SVEP1: variants seen among roughly 807,000 people sequenced by gnomAD.
The protein encoded by SVEP1 is sushi, von Willebrand factor type A, EGF and pentraxin domain containing 1, also known as sushi, von Willebrand factor type A, EGF and pentraxin domain-containing protein 1.
In SVEP1, 164 loss-of-function variants were observed where a neutral mutation model predicts 367.3. That is an observed-to-expected ratio of 0.45 (90% CI 0.39 to 0.51). The LOEUF (loss-of-function observed/expected upper bound fraction) is 0.51. Among genes scored for constraint, SVEP1 ranks in the 20% least tolerant of loss-of-function variants. The probability of loss-of-function intolerance (pLI) is 0.00; values close to 1 mark genes in which losing one functional copy is unlikely to be tolerated. For synonymous variants in SVEP1, 1,666 were observed against 1,611.6 expected, an observed-to-expected ratio of 1.03 and a Z score of -0.81; for missense variants, 4,117 against 4,425.3, an observed-to-expected ratio of 0.93 and a Z score of 1.98.
intron 8 of SVEP1, among the ~76,000 whole-genome samples, chr9:110,493,088 G>T (rs1455623163): frequency 6.6e-6 from 1 of 151,944 alleles, no homozygotes; most frequent in African/African-American, 2.4e-5. Context: ...GAGTTGTTCT[G>T]CCCTACACTC....
rs767941372 is a variant in SVEP1, at chr9:110,579,397, C to T, written c.147G>A (p.Pro49=). 4 of 1,571,072 alleles carry T rather than the reference C, an allele frequency of 2.5e-6. No homozygotes were observed. The highest frequency in any genetic ancestry group is 3.5e-6 in the Non-Finnish European group (4 of 1,159,262). ...CCGCCGCTTCGTCGCCAGGAGCGGG[C>T]GGCGCGGGGATACTCCCGGGGGCCC... ...APGAPGSIPA[P]PAPGDEAAGS... Residue 49 remains proline, a synonymous_variant, in exon 1 of 48, where the codon CCG becomes CCA. Coordinates refer to ENST00000374469, the MANE Select transcript of SVEP1 (RefSeq NM_153366.4). The surrounding 1 kb of genome is among the most constrained non-coding windows in gnomAD (Gnocchi z 5.3).
At chr9:110,416,091 G>A (rs2118520407) in intron 36 of SVEP1, among the ~76,000 whole-genome samples, 1 of 152,002 alleles carries the variant, frequency 6.6e-6, no homozygotes, top group Admixed American at 6.5e-5. Flanking sequence ...GGTTACCATA[G>A]ATAAAACAAG....
intron 1 of SVEP1, among the ~76,000 whole-genome samples, chr9:110,569,175 C>T (rs952154337): frequency 1.4e-4 from 21 of 151,722 alleles, no homozygotes; most frequent in African/African-American, 4.8e-4. Context: ...ATCCTATCTG[C>T]TAGTGCTATA....
intron 36 of SVEP1, among the ~76,000 whole-genome samples, chr9:110,412,764 T>C (rs1204525966): frequency 2.0e-5 from 3 of 152,198 alleles, no homozygotes; most frequent in Admixed American, 6.5e-5. Flanking sequence ...AGAAGACATT[T>C]ATGCAGCCAA....
intron 24 of SVEP1, among the ~76,000 whole-genome samples, chr9:110,447,743 T>G (rs1416087316): frequency 6.6e-6 from 1 of 152,232 alleles, no homozygotes; most frequent in Non-Finnish European, 1.5e-5. Flanking sequence ...ATTTCTTGTT[T>G]TCTGCTCTAG....
chr9:110,430,086 CT>C (rs1564140496), intron 33 of SVEP1, 82 bp from the exon 34 acceptor site: 2 of 1,333,366 alleles, frequency 1.5e-6, no homozygotes, highest in East Asian at 2.5e-5. Flanking sequence ...AGCTCAAGAT[CT>C]TTTTTTGTTT....
rs1003687664 is a variant in SVEP1, at chr9:110,513,091, C to A, written c.1138G>T (p.Ala380Ser). The A allele has an allele frequency of 3.7e-6, 6 of 1,612,748 alleles. No individual in the cohort carries two copies. Among genetic ancestry groups the A allele is most frequent in the Non-Finnish European group, 4.2e-6 (5 of 1,179,182 alleles). Residue 380 changes from alanine to serine, a missense_variant, in exon 5 of 48, where the codon GCC (alanine) becomes TCC (serine). Coordinates refer to ENST00000374469, the MANE Select transcript of SVEP1 (RefSeq NM_153366.4). ...GQTCELVHCP[A>S]LKPPENGYFI... ...TAACCATTTTCGGGAGGCTTCAGGG[C>A]AGGGCAGTGGACAACTAACATTTAC...
chr9:110,456,041 A>G (rs1044346854), intron 21 of SVEP1, among the ~76,000 whole-genome samples: 2 of 152,162 alleles, frequency 1.3e-5, no homozygotes, highest in Admixed American at 1.3e-4. Context: ...TACCAAGGTC[A>G]CCTGGCTTAG....
At position 110,471,384 on chromosome 9, in the gene SVEP1, A is replaced by T. The variant is rs761265926; in HGVS notation, c.2978T>A (p.Val993Glu). The change falls in exon 16 of 48, where the codon GTG becomes GAG. Residue 993 changes from valine (V) to glutamate (E), a missense_variant. This residue lies in a region of SVEP1 where 2,174 missense variants were observed against 2,494.3 expected (regional missense o/e 0.87). Transcript: ENST00000374469. The part of the protein sequence containing the change: ...KASPFCRPGS[V>E]LRGRMCVNCP... Reference sequence around the variant, plus strand: ...CTTACCACACATACGCCCTCTCAGCACTGAGCCTGGTCTGCAGAAGGGGGA... The same window carrying T: ...CTTACCACACATACGCCCTCTCAGCTCTGAGCCTGGTCTGCAGAAGGGGGA... 1 of 1,613,856 alleles carries T rather than the reference A, an allele frequency of 6.2e-7. No homozygotes were observed. The highest frequency in any genetic ancestry group is 1.7e-5 in the Admixed American group (1 of 59,988).
chr9:110,487,769 C>T (rs1344699655), intron 9 of SVEP1, among the ~76,000 whole-genome samples: 2 of 152,062 alleles, frequency 1.3e-5, no homozygotes, highest in African/African-American at 4.8e-5. Context: ...TATATTATCA[C>T]AAATTAAAAA....
intron 1 of SVEP1, among the ~76,000 whole-genome samples, chr9:110,553,901 T>A (rs889349769): frequency 9.2e-5 from 14 of 152,146 alleles, no homozygotes; most frequent in African/African-American, 3.1e-4. Flanking sequence ...CTTTAAAAAG[T>A]TTCCCCACCG....
At chr9:110,429,739 T>C (rs1252361706) in intron 34 of SVEP1, among the ~76,000 whole-genome samples, 181 bp downstream of exon 34, 1 of 152,214 alleles carries the variant, frequency 6.6e-6, no homozygotes, top group Non-Finnish European at 1.5e-5. Context: ...GGATTCTAGA[T>C]ATAACTACCA....
At position 110,443,628 on chromosome 9, in the gene SVEP1, C is replaced by T. The variant is rs375514451; in HGVS notation, c.4556G>A (p.Ser1519Asn). ...RWHHIAITWTSANGIWKVYID... is the reference protein window; with the variant it reads ...RWHHIAITWTNANGIWKVYID... ...ATAGACTTTCCAGATGCCATTGGCA[C>T]TTGTCCAAGTGATTGCAATATGATG... is the stretch of plus-strand genomic sequence containing the variant. Residue 1519 changes from serine (S) to asparagine (N), a missense_variant, in exon 27 of 48, where the codon AGT (serine) becomes AAT (asparagine). This residue lies in a region of SVEP1 where 2,174 missense variants were observed against 2,494.3 expected (regional missense o/e 0.87). Coordinates refer to ENST00000374469, the MANE Select transcript of SVEP1 (RefSeq NM_153366.4). 1 of 1,613,546 alleles carries T rather than the reference C, an allele frequency of 6.2e-7. No homozygotes were observed. The highest frequency in any genetic ancestry group is 8.5e-7 in the Non-Finnish European group (1 of 1,179,744).
chr9:110,369,878 A>G, intron 47 of SVEP1, 45 bp downstream of exon 47: 1 of 1,513,106 alleles, frequency 6.6e-7, no homozygotes, highest in Non-Finnish European at 9.1e-7. Context: ...CTTGAATTTT[A>G]GAGTCTTCAT....
At position 110,375,464 on chromosome 9, in the gene SVEP1, CTAA is replaced by C. The variant is rs1827336935; in HGVS notation, c.10505-4_10505-2del. On this transcript the variant is annotated splice_acceptor_variant and splice_polypyrimidine_tract_variant and intron_variant, in intron 45 of 47. Transcript: ENST00000374469. LOFTEE classifies it high-confidence loss of function. The stretch of plus-strand genomic sequence containing the variant: ...TTCAGACAGGGAAGAATGCAGATTG[CTAA>C]AAAAAAAAAAAAAAAAAAAAAAAGG... 4 of 399,068 alleles carry C rather than the reference CTAA, an allele frequency of 1.0e-5. No individual in the cohort carries two copies. The highest frequency in any genetic ancestry group is 1.0e-4 in the Admixed American group (1 of 9,962). 24.7% of individuals were successfully genotyped at this position (399,068 alleles called of 1,614,324 possible).
At chr9:110,368,498 T>C (rs1402059576) in intron 47 of SVEP1, among the ~76,000 whole-genome samples, 2 of 152,190 alleles carry the variant, frequency 1.3e-5, no homozygotes, top group Non-Finnish European at 2.9e-5. Flanking sequence ...CTGATTAATG[T>C]ACAGTATTTT....
At chr9:110,433,208 C>T (rs1828378923) in intron 30 of SVEP1, among the ~76,000 whole-genome samples, 3 of 152,094 alleles carry the variant, frequency 2.0e-5, no homozygotes. Context: ...ATTAAATCTC[C>T]TTTCTTTATA....
At chr9:110,472,843 A>C (rs1829040679) in intron 14 of SVEP1, among the ~76,000 whole-genome samples, 1 of 152,238 alleles carries the variant, frequency 6.6e-6, no homozygotes, top group Non-Finnish European at 1.5e-5. Context: ...TGATTCTATC[A>C]TACAACCACA....
chr9:110,369,813 A>G, intron 47 of SVEP1, 110 bp downstream of exon 47: 1 of 860,750 alleles, frequency 1.2e-6, no homozygotes, highest in Non-Finnish European at 1.7e-6. Context: ...TTTCACATAC[A>G]AAATACTTAC....
Sources: gnomAD v4.1 joint callset for allele counts (sites outside exome capture counted in the v4.1 genomes callset) on GRCh38, gnomAD v4.1.1 for gene constraint, gnomAD v4.1.1 regional missense constraint, Gnocchi (gnomAD v3.1) non-coding constraint, MANE v1.5 for transcripts, NCBI Gene and HGNC (gene_info 2026-07-23, HGNC 2026-07-21) for gene names.